The following SCN10A variants were observed in gnomAD, a reference collection of about 807,000 sequenced individuals.
The protein encoded by SCN10A is sodium channel protein type 10 subunit alpha.
SCN10A carries 162 observed loss-of-function variants against 170.7 expected under a neutral mutation model. The ratio of observed to expected loss-of-function variants is 0.95; its 90% CI spans 0.84 to 1.08. The LOEUF (loss-of-function observed/expected upper bound fraction) is 1.08, where lower values mean the gene tolerates loss of function less well. Ranked by LOEUF, SCN10A falls within the 50% of genes least tolerant of loss-of-function variation. SCN10A has a pLI of 0.00. For missense variants in SCN10A, 2,527 were observed against 2,436.9 expected (o/e 1.04, Z -0.78); for synonymous variants, 985 against 904.6 (o/e 1.09, Z -1.59).
chr3:38,756,639 C>T (rs2063808219), intron 10 of SCN10A, 35 bp downstream of exon 10: 2 of 1,566,006 alleles, frequency 1.3e-6, no homozygotes, highest in East Asian at 4.5e-5. Flanking sequence ...GGACAGTCTG[C>T]AACCTTCTTC....
At chr3:38,812,762 G>T (rs760616786) in intron 1 of SCN10A, among the ~76,000 whole-genome samples, 2 of 152,132 alleles carry the variant, frequency 1.3e-5, no homozygotes, top group Non-Finnish European at 2.9e-5. Context: ...CGCTGGGCAT[G>T]GTAGCTCACA....
intron 16 of SCN10A, among the ~76,000 whole-genome samples, chr3:38,727,370 G>A (rs1371136513): frequency 6.6e-6 from 1 of 152,362 alleles, no homozygotes; most frequent in Middle Eastern, 3.4e-3. Context: ...CCACCCTCAT[G>A]TGCCAAAGCC....
intron 16 of SCN10A, among the ~76,000 whole-genome samples, chr3:38,727,684 C>T (rs1477394080): frequency 1.3e-5 from 2 of 152,130 alleles, no homozygotes; most frequent in Non-Finnish European, 2.9e-5. Flanking sequence ...TAGCTTTCTT[C>T]TGTCTATAAA....
At chr3:38,724,465 GT>G (rs1225509457) in intron 18 of SCN10A, among the ~76,000 whole-genome samples, 1 of 152,198 alleles carries the variant, frequency 6.6e-6, no homozygotes, top group East Asian at 1.9e-4. Flanking sequence ...AGATTTGTAA[GT>G]GAAACCACAT....
At chr3:38,791,944 G>T in intron 3 of SCN10A, 106 bp downstream of exon 3, 3 of 1,418,824 alleles carry the variant, frequency 2.1e-6, no homozygotes, top group South Asian at 1.4e-5. Context: ...GTACTTTTGG[G>T]ATTCAATTGG....
intron 5 of SCN10A, among the ~76,000 whole-genome samples, chr3:38,765,552 T>C (rs2063922629): frequency 6.6e-6 from 1 of 152,192 alleles, no homozygotes; most frequent in South Asian, 2.1e-4. Context: ...AGTTCTCTAT[T>C]CTTTTCCATT....
intron 1 of SCN10A, among the ~76,000 whole-genome samples, chr3:38,808,573 G>A (rs554530542): frequency 1.3e-4 from 20 of 152,322 alleles, no homozygotes; most frequent in African/African-American, 4.6e-4. Flanking sequence ...TGGAGTGAAA[G>A]AACAAATGAA....
chr3:38,709,632 G>A lies in SCN10A; in HGVS notation c.4144-17C>T. 2.5e-6 allele frequency: 4 copies of A among 1,577,066 alleles called. No homozygotes were observed. Among genetic ancestry groups the A allele is most frequent in the African/African-American group, 1.4e-5 (1 of 73,738 alleles). On this transcript the variant is annotated splice_polypyrimidine_tract_variant and intron_variant, in intron 24 of 27. Transcript: ENST00000449082. ...CATGTTGACCTGTGACCAGACAAGG[G>A]AGAGTGGGAAGGAGGGTGGGTGTCT...
intron 11 of SCN10A, among the ~76,000 whole-genome samples, chr3:38,754,128 G>T (rs1201586141): frequency 6.6e-6 from 1 of 152,074 alleles, no homozygotes; most frequent in Non-Finnish European, 1.5e-5. Flanking sequence ...TGTTCTTTCT[G>T]CCAGGAAAAT....
chr3:38,768,560 A>G (rs533035283), intron 5 of SCN10A, among the ~76,000 whole-genome samples: 1 of 152,316 alleles, frequency 6.6e-6, no homozygotes, highest in East Asian at 1.9e-4. Context: ...GAGGCTAAAG[A>G]TGGGACCCTA....
intron 11 of SCN10A, among the ~76,000 whole-genome samples, chr3:38,755,488 C>A (rs1347362631): frequency 6.6e-6 from 1 of 152,078 alleles, no homozygotes; most frequent in Non-Finnish European, 1.5e-5. Flanking sequence ...AATCACCACC[C>A]ATTTGATTGC....
At chr3:38,740,065 C>T (rs1375630311) in intron 14 of SCN10A, among the ~76,000 whole-genome samples, 1 of 152,256 alleles carries the variant, frequency 6.6e-6, no homozygotes, top group African/African-American at 2.4e-5. Context: ...CCAGCCCAGA[C>T]ATTTCCTAGC....
rs781354273 is a variant in SCN10A, at chr3:38,739,637, C to T, written c.2158G>A (p.Asp720Asn). The T allele has an allele frequency of 1.1e-5, 18 of 1,613,798 alleles. No individual in the cohort carries two copies. Among genetic ancestry groups the T allele is most frequent in the Admixed American group, 5.0e-5 (3 of 60,006 alleles). The change falls in exon 15 of 28, where the codon GAC becomes AAC. Residue 720 changes from aspartate to asparagine, a missense_variant. By Grantham distance (23) the Asp-to-Asn change is conservative. Coordinates refer to ENST00000449082, the MANE Select transcript of SCN10A (RefSeq NM_006514.4). ...TTCTTCTGGAAATAATAGTATGGGT[C>T]GAAGGCAATGATTTTGAAGACCATT... ...AEMVFKIIAF[D>N]PYYYFQKKWN... is the part of the protein sequence containing the mutation.
At chr3:38,724,958 G>A (rs2063436538) in intron 18 of SCN10A, among the ~76,000 whole-genome samples, 1 of 152,214 alleles carries the variant, frequency 6.6e-6, no homozygotes, top group Non-Finnish European at 1.5e-5. Context: ...CCACCCTGGA[G>A]TGAGATTGTG....
intron 23 of SCN10A, among the ~76,000 whole-genome samples, chr3:38,711,509 T>C (rs2063273858): frequency 6.6e-6 from 1 of 152,244 alleles, no homozygotes; most frequent in Non-Finnish European, 1.5e-5. Flanking sequence ...AGCCCAGTTC[T>C]GACTGTATCT....
chr3:38,795,721 T>C (rs1254528123), intron 1 of SCN10A, among the ~76,000 whole-genome samples: 1 of 152,150 alleles, frequency 6.6e-6, no homozygotes, highest in African/African-American at 2.4e-5. Flanking sequence ...TTGTGAATAA[T>C]GGCACTCTAT....
At chr3:38,748,435 T>G (rs529364243) in intron 13 of SCN10A, among the ~76,000 whole-genome samples, 23 of 152,240 alleles carry the variant, frequency 1.5e-4, no homozygotes, top group Non-Finnish European at 3.4e-4. Flanking sequence ...ATGCTTCAAG[T>G]CCTCACCATG....
chr3:38,783,379 T>C (rs1026617361), intron 4 of SCN10A, among the ~76,000 whole-genome samples: 2 of 152,126 alleles, frequency 1.3e-5, no homozygotes, highest in African/African-American at 2.4e-5. Context: ...TTGATGCTTT[T>C]TACTTCATAA....
At position 38,702,031 on chromosome 3, in the gene SCN10A, T is replaced by G. The variant is rs1452080016; in HGVS notation, c.4465A>C (p.Asn1489His). The G allele has an allele frequency of 6.2e-7, 1 of 1,612,482 alleles. No individual in the cohort carries two copies. The highest frequency in any genetic ancestry group is 1.7e-5 in the Admixed American group (1 of 59,866). ...DITIMVLICL[N>H]MITMMVETDD... ...GTCTCCACCATCATGGTGATCATGT[T>G]GAGGCAGATGAGGACCATGATGGTG... The change falls in exon 27 of 28, where the codon AAC (asparagine) becomes CAC (histidine). Residue 1489 changes from asparagine to histidine, a missense_variant. Coordinates refer to ENST00000449082, the MANE Select transcript of SCN10A (RefSeq NM_006514.4).
Sources: allele counts gnomAD v4.1 joint callset (sites outside exome capture counted in the v4.1 genomes callset), GRCh38; gene constraint gnomAD v4.1.1; transcripts MANE v1.5; gene names NCBI Gene and HGNC (gene_info 2026-07-23, HGNC 2026-07-21).